SPRED2: variants seen among roughly 807,000 people sequenced by gnomAD.
SPRED2 encodes sprouty related EVH1 domain containing 2, also known as sprouty-related, EVH1 domain-containing protein 2.
Under a neutral mutation model 43.0 loss-of-function variants are expected in SPRED2, and 47 were observed. The observed-to-expected ratio is 1.09, with a 90% CI of 0.87 to 1.40. The LOEUF is 1.40. Ranked by LOEUF, SPRED2 falls within the 40% of genes most tolerant of loss-of-function variation. SPRED2 has a pLI of 0.00. For missense variants in SPRED2, 561 were observed against 586.4 expected, an observed-to-expected ratio of 0.96 and a Z score of 0.45; for synonymous variants, 225 against 225.7, an observed-to-expected ratio of 1.00 and a Z score of 0.03.
intron 1 of SPRED2, among the ~76,000 whole-genome samples, chr2:65,365,106 T>A (rs1255729025): frequency 6.6e-6 from 1 of 152,364 alleles, no homozygotes; most frequent in African/African-American, 2.4e-5. Context: ...TATATATGCA[T>A]GTATACACAC....
intron 4 of SPRED2, among the ~76,000 whole-genome samples, chr2:65,323,749 A>G (rs371877494): frequency 2.1e-3 from 321 of 151,814 alleles, no homozygotes; most frequent in African/African-American, 7.5e-3. Context: ...GGTGGCAGGA[A>G]CCTGTAGTCC....
chr2:65,319,277 A>G (rs887308673), intron 4 of SPRED2, among the ~76,000 whole-genome samples: 8 of 152,192 alleles, frequency 5.3e-5, no homozygotes, highest in African/African-American at 9.6e-5. Context: ...ACTAATTTCA[A>G]TATGAACACA....
chr2:65,404,973 G>A (rs1675990001), intron 1 of SPRED2, among the ~76,000 whole-genome samples: 1 of 152,130 alleles, frequency 6.6e-6, no homozygotes, highest in Admixed American at 6.5e-5. Context: ...CTCCTGCCTT[G>A]TGACTACATC....
chr2:65,426,148 T>C (rs1355274928), intron 1 of SPRED2, among the ~76,000 whole-genome samples: 2 of 152,244 alleles, frequency 1.3e-5, no homozygotes, highest in African/African-American at 4.8e-5. Flanking sequence ...TCAAGATTTT[T>C]TACTTGTCAG....
chr2:65,338,762 G>A lies in SPRED2; in HGVS notation c.205-3989C>T, dbSNP rs1180314231. On this transcript the variant is annotated intron_variant, in intron 2 of 5. Transcript: ENST00000356388. ...GAGCGTCTCTGCCTGGCTGCCCATC[G>A]TCTGGGATGTGAGGAGCCCCTCTGC... Among the ~76,000 whole-genome samples, 497 of 151,248 alleles carry A rather than the reference G, an allele frequency of 3.3e-3. 2 individuals carry two copies. Among genetic ancestry groups the A allele is most frequent in the African/African-American group, 0.011 (460 of 41,220 alleles).
At chr2:65,398,927 C>A (rs533515907) in intron 1 of SPRED2, among the ~76,000 whole-genome samples, 95 of 152,248 alleles carry the variant, frequency 6.2e-4, no homozygotes, top group African/African-American at 2.3e-3. Flanking sequence ...AAGCACAATG[C>A]GCAACTGCAA....
At chr2:65,341,128 T>C (rs796091301) in intron 2 of SPRED2, among the ~76,000 whole-genome samples, 2 of 143,174 alleles carry the variant, frequency 1.4e-5, no homozygotes, top group Admixed American at 7.0e-5. Flanking sequence ...TGTGTGTGTG[T>C]GCATGTGCAT....
Position 65,313,420 on chromosome 2 carries a change from G to A in SPRED2, c.*81C>T. 5 of 1,516,468 alleles carry A rather than the reference G, an allele frequency of 3.3e-6. No individual in the cohort carries two copies. Among genetic ancestry groups the A allele is most frequent in the East Asian group, 2.3e-5 (1 of 44,102 alleles). The allele number at this position is 1,516,468 out of a possible 1,614,324, so 93.9% of individuals were successfully genotyped here. A position where few individuals can be genotyped will look rare whatever the true frequency, so the allele number is the denominator to read the frequency against. Reference sequence around the variant, plus strand: ...CCCTCCTCGCTCCTTGGAGTGGAAGGGAGCGGGGGAGAAGATGAGAGTATG... The same window carrying A: ...CCCTCCTCGCTCCTTGGAGTGGAAGAGAGCGGGGGAGAAGATGAGAGTATG... On this transcript the variant is annotated 3_prime_UTR_variant, in exon 6 of 6. Transcript: ENST00000356388.
chr2:65,345,279 T>C (rs1472283834), intron 1 of SPRED2, among the ~76,000 whole-genome samples: 1 of 134,372 alleles, frequency 7.4e-6, no homozygotes, highest in Non-Finnish European at 1.6e-5. Flanking sequence ...TTTTTTTTTT[T>C]TGAGACGGAG....
chr2:65,392,722 T>C (rs1675666880), intron 1 of SPRED2, among the ~76,000 whole-genome samples: 1 of 152,194 alleles, frequency 6.6e-6, no homozygotes, highest in Middle Eastern at 3.2e-3. Context: ...ACTAGGGATT[T>C]GCATGAGACC....
chr2:65,358,675 G>A (rs1404351704), intron 1 of SPRED2, among the ~76,000 whole-genome samples: 1 of 152,214 alleles, frequency 6.6e-6, no homozygotes, highest in African/African-American at 2.4e-5. Flanking sequence ...ATAATTTCTG[G>A]TCCAAACGTA....
intron 1 of SPRED2, among the ~76,000 whole-genome samples, chr2:65,422,519 T>C (rs1676453801): frequency 6.6e-6 from 1 of 152,186 alleles, no homozygotes; most frequent in Non-Finnish European, 1.5e-5. Flanking sequence ...GAATGGCACA[T>C]GGTAGGCATT....
chr2:65,408,480 G>C (rs1047865878), intron 1 of SPRED2, among the ~76,000 whole-genome samples: 1 of 152,066 alleles, frequency 6.6e-6, no homozygotes, highest in East Asian at 1.9e-4. Context: ...TGATCATAGA[G>C]CTCCAGGCAA....
rs796620315 is a variant in SPRED2 at position 65,376,722 on chromosome 2, A to AT, written c.27-31827dup. Among the ~76,000 whole-genome samples, 451 of 149,636 alleles carry AT rather than the reference A, an allele frequency of 3.0e-3. 3 individuals are homozygous for AT. Among genetic ancestry groups the AT allele is most frequent in the African/African-American group, 9.8e-3 (400 of 40,894 alleles). Reference sequence around the variant, plus strand: ...GTTTATCTCTTCACAGTCTTTCCATATTTTTTTTTTGAGATGGAGTCTCAC... The same window carrying AT: ...GTTTATCTCTTCACAGTCTTTCCATATTTTTTTTTTTGAGATGGAGTCTCAC... On this transcript the variant is annotated intron_variant, in intron 1 of 5. Coordinates refer to ENST00000356388, the MANE Select transcript of SPRED2 (RefSeq NM_181784.3).
chr2:65,312,618 T>G lies in SPRED2; in HGVS notation c.*883A>C, dbSNP rs1289019678. On this transcript the variant is annotated 3_prime_UTR_variant, in exon 6 of 6. Transcript: ENST00000356388. Reference sequence around the variant, plus strand: ...GTATCCTATTCTAATATTGCTAAATTTTTAGAAGTGGTGGCAACACAATTT... The same window carrying G: ...GTATCCTATTCTAATATTGCTAAATGTTTAGAAGTGGTGGCAACACAATTT... 1 of 985,734 alleles carries G rather than the reference T, an allele frequency of 1.0e-6. No individual in the cohort carries two copies. Among genetic ancestry groups the G allele is most frequent in the Non-Finnish European group, 1.2e-6 (1 of 829,920 alleles). 61.1% of individuals were successfully genotyped at this position (985,734 alleles called of 1,614,324 possible). A position where few individuals can be genotyped will look rare whatever the true frequency, so the allele number is the denominator to read the frequency against.
rs754771801 is a variant in SPRED2 at position 65,313,617 on chromosome 2, G to A, written c.1141C>T (p.Leu381Phe). ...GGGGCCAGGAAAGACAAGGCAATAA[G>A]AGCCATCCACCGGAGGCAAAACTTC... The part of the protein sequence containing the change: ...DEKFCLRWMA[L>F]IALSFLAPCM... Residue 381 changes from leucine to phenylalanine, a missense_variant, in exon 6 of 6, where the codon CTT (leucine) becomes TTT (phenylalanine). Physicochemically the swap from Leu to Phe is conservative, Grantham distance 22. Coordinates refer to ENST00000356388, the MANE Select transcript of SPRED2 (RefSeq NM_181784.3). The A allele has an allele frequency of 6.2e-7, 1 of 1,614,182 alleles. No individual in the cohort carries two copies. The highest frequency in any genetic ancestry group is 8.5e-7 in the Non-Finnish European group (1 of 1,180,022).
intron 1 of SPRED2, among the ~76,000 whole-genome samples, chr2:65,364,693 A>C (rs2104325222): frequency 6.6e-6 from 1 of 152,308 alleles, no homozygotes; most frequent in Non-Finnish European, 1.5e-5. Flanking sequence ...AAGACACAGA[A>C]AGTGTCACTA....
At chr2:65,422,361 A>AGTC (rs1462218687) in intron 1 of SPRED2, among the ~76,000 whole-genome samples, 1 of 152,202 alleles carries the variant, frequency 6.6e-6, no homozygotes, top group East Asian at 1.9e-4. Flanking sequence ...GTAATCAGTT[A>AGTC]GTCAGTCATC....
intron 1 of SPRED2, among the ~76,000 whole-genome samples, chr2:65,418,969 A>G (rs376135259): frequency 6.6e-6 from 1 of 152,166 alleles, no homozygotes; most frequent in Non-Finnish European, 1.5e-5. Context: ...GAATGAAAAG[A>G]ATCCTTAAAT....
Sources: gnomAD v4.1 joint callset for allele counts (sites outside exome capture counted in the v4.1 genomes callset) on GRCh38, gnomAD v4.1.1 for gene constraint, MANE v1.5 for transcripts, NCBI Gene and HGNC (gene_info 2026-07-23, HGNC 2026-07-21) for gene names.